PTPRD: variants seen among roughly 807,000 people sequenced by gnomAD.
The protein encoded by PTPRD is protein tyrosine phosphatase receptor type D.
PTPRD carries 34 observed loss-of-function variants against 214.5 expected under a neutral mutation model. That is an observed-to-expected ratio of 0.16 (90% CI 0.12 to 0.21). PTPRD has a LOEUF of 0.21. Ranked by LOEUF, PTPRD falls within the 10% of genes least tolerant of loss-of-function variation. The pLI is 1.00. For missense variants in PTPRD, 2,545 were observed against 2,398.7 expected, an observed-to-expected ratio of 1.06 and a Z score of -1.27; for synonymous variants, 1,128 against 845.7, an observed-to-expected ratio of 1.33 and a Z score of -5.79.
intron 6 of PTPRD, among the ~76,000 whole-genome samples, chr9:9,741,943 T>C (rs1409001990): frequency 2.0e-5 from 3 of 152,208 alleles, no homozygotes; most frequent in Non-Finnish European, 4.4e-5. Context: ...TATAGTAGAA[T>C]GATTTATAAT....
chr9:8,427,412 T>C (rs1323417040), intron 35 of PTPRD, among the ~76,000 whole-genome samples: 1 of 152,178 alleles, frequency 6.6e-6, no homozygotes, highest in East Asian at 1.9e-4. Context: ...AAAGAGTTTC[T>C]ATGAACTGTA....
chr9:10,120,263 T>A (rs768227501), intron 3 of PTPRD, among the ~76,000 whole-genome samples: 1 of 151,768 alleles, frequency 6.6e-6, no homozygotes, highest in Non-Finnish European at 1.5e-5. Flanking sequence ...AGCAGTAGCA[T>A]CAATAAAAGA....
chr9:9,251,567 G>A (rs1046404209), intron 9 of PTPRD, among the ~76,000 whole-genome samples: 4 of 151,802 alleles, frequency 2.6e-5, no homozygotes, highest in Middle Eastern at 3.2e-3. Context: ...ACTTTCCTTC[G>A]GGCAAATATT....
intron 39 of PTPRD, among the ~76,000 whole-genome samples, chr9:8,359,835 G>A (rs991757861): frequency 2.6e-5 from 4 of 152,164 alleles, no homozygotes; most frequent in African/African-American, 9.7e-5. Flanking sequence ...ACCACTTAGT[G>A]TTTGTTCCAT....
chr9:9,728,757 C>A (rs2098134940), intron 7 of PTPRD, among the ~76,000 whole-genome samples: 1 of 152,030 alleles, frequency 6.6e-6, no homozygotes, highest in Non-Finnish European at 1.5e-5. Flanking sequence ...TAAAGAACTT[C>A]AACTATTATT....
chr9:9,382,491 A>G (rs1219985888), intron 9 of PTPRD, among the ~76,000 whole-genome samples: 3 of 152,172 alleles, frequency 2.0e-5, no homozygotes, highest in Admixed American at 6.6e-5. Flanking sequence ...AAAAACACAA[A>G]TAACCCAAAT....
At chr9:9,595,448 ATACACATGTACGCATATG>A (rs2093245498) in intron 7 of PTPRD, among the ~76,000 whole-genome samples, 1 of 150,264 alleles carries the variant, frequency 6.7e-6, no homozygotes, top group Admixed American at 6.7e-5. Flanking sequence ...GTACACATGC[ATACACATGTACGCATATG>A]TACACATGCA....
intron 10 of PTPRD, among the ~76,000 whole-genome samples, chr9:9,060,659 A>G (rs1265801293): frequency 1.3e-5 from 2 of 152,088 alleles, no homozygotes; most frequent in African/African-American, 4.8e-5. Flanking sequence ...AAAAAAGCCA[A>G]TCCAATAGAA....
intron 44 of PTPRD, among the ~76,000 whole-genome samples, chr9:8,324,803 T>G (rs1235123300): frequency 1.3e-5 from 2 of 151,504 alleles, no homozygotes; most frequent in Non-Finnish European, 2.9e-5. Flanking sequence ...CTAATTGGTG[T>G]AAGATGGTAT....
At chr9:9,761,709 T>G (rs2154475983) in intron 6 of PTPRD, among the ~76,000 whole-genome samples, 1 of 152,196 alleles carries the variant, frequency 6.6e-6, no homozygotes, top group Admixed American at 6.5e-5. Context: ...AATGTAAAAT[T>G]ATCTCAATAA....
At chr9:8,621,864 G>T (rs1378409339) in intron 14 of PTPRD, among the ~76,000 whole-genome samples, 1 of 151,838 alleles carries the variant, frequency 6.6e-6, no homozygotes, top group Non-Finnish European at 1.5e-5. Context: ...AGTTGTTCAA[G>T]CCTTAAAAAG....
Position 8,432,902 on chromosome 9 carries a change from C to T in PTPRD, c.4086+3690G>A, listed in dbSNP as rs142223392. 2.7e-3 allele frequency among the ~76,000 whole-genome samples: 411 copies of T among 152,316 alleles called. 5 individuals are homozygous for T. Among genetic ancestry groups the T allele is most frequent in the African/African-American group, 9.4e-3 (390 of 41,558 alleles). On this transcript the variant is annotated intron_variant, in intron 35 of 45. Coordinates refer to ENST00000381196, the MANE Select transcript of PTPRD (RefSeq NM_002839.4). ...TCCACAGCTAAGCCTACTGGGGAAG[C>T]TGTGCATAGCAGCATTGCCAGCATG...
intron 10 of PTPRD, among the ~76,000 whole-genome samples, chr9:9,155,595 G>C (rs1795087007): frequency 6.6e-6 from 1 of 152,094 alleles, no homozygotes. Context: ...TTCTAGCCCA[G>C]ATGCTCTAAG....
At chr9:8,669,660 G>T (rs1264414893) in intron 12 of PTPRD, among the ~76,000 whole-genome samples, 1 of 152,154 alleles carries the variant, frequency 6.6e-6, no homozygotes, top group Non-Finnish European at 1.5e-5. Flanking sequence ...GGACCTTTTA[G>T]GATACAGTAA....
chr9:8,344,496 G>A (rs925656952), intron 39 of PTPRD, among the ~76,000 whole-genome samples: 4 of 151,838 alleles, frequency 2.6e-5, no homozygotes, highest in Admixed American at 2.6e-4. Flanking sequence ...AAATACGTGT[G>A]AGTCCAAATC....
intron 3 of PTPRD, among the ~76,000 whole-genome samples, chr9:10,146,954 C>G (rs2099026955): frequency 6.6e-6 from 1 of 152,118 alleles, no homozygotes; most frequent in Admixed American, 6.6e-5. Flanking sequence ...AAGCCAAGAT[C>G]TTAGATCCAG....
At chr9:8,776,759 T>C (rs1038877635) in intron 11 of PTPRD, among the ~76,000 whole-genome samples, 1 of 149,204 alleles carries the variant, frequency 6.7e-6, no homozygotes, top group East Asian at 1.9e-4. Flanking sequence ...GGCTATTTTT[T>C]TTTTGAAGTC....
intron 8 of PTPRD, among the ~76,000 whole-genome samples, chr9:9,435,116 ACTTT>A (rs1180395035): frequency 6.6e-6 from 1 of 151,914 alleles, no homozygotes; most frequent in Non-Finnish European, 1.5e-5. Flanking sequence ...ACCCCGCTTT[ACTTT>A]CTTTATTATT....
intron 9 of PTPRD, among the ~76,000 whole-genome samples, chr9:9,396,269 A>T (rs2067771829): frequency 6.6e-6 from 1 of 152,050 alleles, no homozygotes; most frequent in South Asian, 2.1e-4. Flanking sequence ...GAACAGAGTT[A>T]TTTATATACT....
Sources: allele counts gnomAD v4.1 joint callset (sites outside exome capture counted in the v4.1 genomes callset), GRCh38; gene constraint gnomAD v4.1.1; transcripts MANE v1.5; gene names NCBI Gene and HGNC (gene_info 2026-07-23, HGNC 2026-07-21).